The following TTC3 variants were observed in gnomAD, a reference collection of about 807,000 sequenced individuals.
TTC3 encodes tetratricopeptide repeat domain 3.
In TTC3, 180 loss-of-function variants were observed where a neutral mutation model predicts 249.6. The observed-to-expected ratio is 0.72, with a 90% CI of 0.64 to 0.82. TTC3 has a LOEUF of 0.82. Among genes scored for constraint, TTC3 ranks in the 40% least tolerant of loss-of-function variants. The pLI, the probability that TTC3 is intolerant of heterozygous loss-of-function variation, is 0.00. For missense variants in TTC3, 2,061 were observed against 2,398.4 expected (o/e 0.86, Z 2.94); for synonymous variants, 717 against 805.0 (o/e 0.89, Z 1.85).
At chr21:37,192,618 C>A (rs1253582452) in intron 41 of TTC3, among the ~76,000 whole-genome samples, 2 of 151,978 alleles carry the variant, frequency 1.3e-5, no homozygotes, top group Non-Finnish European at 2.9e-5. Flanking sequence ...GCTATCACCA[C>A]CTCAGATTAT....
At position 37,087,418 on chromosome 21, in the gene TTC3, A is replaced by C. The variant is rs1404594425; in HGVS notation, c.144+17A>C. 6.2e-7 allele frequency: 1 copy of C among 1,612,098 alleles called. No individual in the cohort carries two copies. The highest frequency in any genetic ancestry group is 8.5e-7 in the Non-Finnish European group (1 of 1,179,154). The stretch of plus-strand genomic sequence containing the variant: ...GATGGGGTGGTAAGTAGGTTTGCTA[A>C]TTTTTCATTTTTGACATTGTGTATT... On this transcript the variant is annotated intron_variant, in intron 2 of 45. Coordinates refer to ENST00000355666, the Ensembl canonical transcript of TTC3.
At chr21:37,112,879 G>C (rs898710014) in intron 11 of TTC3, among the ~76,000 whole-genome samples, 1 of 152,126 alleles carries the variant, frequency 6.6e-6, no homozygotes, top group South Asian at 2.1e-4. Context: ...ATGCAAGGCC[G>C]GTTCAACATA....
chr21:37,169,944 G>A (rs540128507), intron 34 of TTC3, among the ~76,000 whole-genome samples: 11 of 151,892 alleles, frequency 7.2e-5, no homozygotes, highest in Non-Finnish European at 1.6e-4. Context: ...TTGCCATCTA[G>A]AAAAAATCAA....
At chr21:37,196,008 C>T in exon 42 of TTC3, 1 of 1,614,148 alleles carries the variant, frequency 6.2e-7, no homozygotes, top group Non-Finnish European at 8.5e-7. Context: ...TATTGAGCAC[C>T]TGTCAGTGGT....
At chr21:37,113,130 A>G (rs954555965) in intron 11 of TTC3, among the ~76,000 whole-genome samples, 1 of 152,250 alleles carries the variant, frequency 6.6e-6, no homozygotes, top group Non-Finnish European at 1.5e-5. Flanking sequence ...GAAAACTGGC[A>G]CAAGACAGGG....
chr21:37,112,522 C>G (rs1210525371), intron 11 of TTC3, among the ~76,000 whole-genome samples: 2 of 152,222 alleles, frequency 1.3e-5, no homozygotes, highest in Non-Finnish European at 2.9e-5. Context: ...AGACCAATAA[C>G]AGGCTCTGAA....
chr21:37,199,644 A>G (rs2085293124), intron 44 of TTC3, among the ~76,000 whole-genome samples: 1 of 152,236 alleles, frequency 6.6e-6, no homozygotes, highest in African/African-American at 2.4e-5. Flanking sequence ...TAGTAAAGAA[A>G]AAGATTAAAT....
chr21:37,095,137 A>ATGTGTG lies in TTC3; in HGVS notation c.688-191_688-186dup, dbSNP rs57682889. Reference sequence around the variant, plus strand: ...GGTGACAGACCCTGTCTCTAAAAATATGTGTGTGTGTGTGTGTGTGTGTGT... The same window carrying ATGTGTG: ...GGTGACAGACCCTGTCTCTAAAAATATGTGTGTGTGTGTGTGTGTGTGTGTGTGTGT... On this transcript the variant is annotated intron_variant, in intron 8 of 45. Coordinates refer to ENST00000355666, the Ensembl canonical transcript of TTC3. 9.0e-3 allele frequency among the ~76,000 whole-genome samples: 1,328 copies of ATGTGTG among 147,574 alleles called. 21 individuals are homozygous for ATGTGTG. The highest frequency in any genetic ancestry group is 0.03 in the African/African-American group (1,214 of 40,086).
At chr21:37,197,571 A>T (rs1399186668) in exon 43 of TTC3, 1 of 1,611,800 alleles carries the variant, frequency 6.2e-7, no homozygotes, top group Non-Finnish European at 8.5e-7. Flanking sequence ...CCCTTTCAGC[A>T]CTGAGCTTGC....
chr21:37,103,412 A>G (rs1679061437), intron 10 of TTC3, among the ~76,000 whole-genome samples: 1 of 152,154 alleles, frequency 6.6e-6, no homozygotes, highest in South Asian at 2.1e-4. Context: ...TCTCTTGCAC[A>G]GGGGATTGCT....
exon 46 of TTC3, chr21:37,201,910 G>T: frequency 4.5e-6 from 1 of 223,366 alleles, no homozygotes. Context: ...ACATAGCCAA[G>T]CGCCCCACGT....
chr21:37,133,615 T>C (rs1038358680), intron 17 of TTC3, among the ~76,000 whole-genome samples: 1 of 152,182 alleles, frequency 6.6e-6, no homozygotes. Context: ...CTCCATATGC[T>C]GGGGAGTGAG....
chr21:37,129,274 G>GA (rs1342313241), intron 16 of TTC3, among the ~76,000 whole-genome samples: 1 of 152,076 alleles, frequency 6.6e-6, no homozygotes, highest in Non-Finnish European at 1.5e-5. Context: ...ATTGACTTCT[G>GA]AAAGTCACAT....
exon 33 of TTC3, chr21:37,165,734 G>A: frequency 6.2e-7 from 1 of 1,613,394 alleles, no homozygotes; most frequent in Non-Finnish European, 8.5e-7. Flanking sequence ...ACTGAAGAAG[G>A]TTGCATCACG....
At chr21:37,084,220 C>G (rs542634564) in intron 1 of TTC3, 10 of 152,066 alleles carry the variant, frequency 6.6e-5, no homozygotes, top group Admixed American at 6.6e-4. Context: ...GAAGAAGAAC[C>G]CATGAAGGAA....
intron 1 of TTC3, chr21:37,081,551 G>A (rs1024736222): frequency 1.3e-5 from 2 of 152,102 alleles, no homozygotes; most frequent in Admixed American, 6.6e-5. Context: ...TGTGTTTCAT[G>A]ATTCTGCATT....
intron 41 of TTC3, among the ~76,000 whole-genome samples, chr21:37,193,059 A>G (rs1039799629): frequency 3.3e-5 from 5 of 152,240 alleles, no homozygotes; most frequent in Non-Finnish European, 7.3e-5. Context: ...GTTGAAAGAT[A>G]TAAGTTCCAG....
intron 21 of TTC3, 90 bp from the exon 22 acceptor site, chr21:37,147,391 A>ATTTTCAGCATAAGAATGACTAAATT: frequency 8.0e-7 from 1 of 1,252,430 alleles, no homozygotes; most frequent in Non-Finnish European, 1.1e-6. Flanking sequence ...TGCTGAAAAT[A>ATTTTCAGCATAAGAATGACTAAATT]TTTTGATGGC....
intron 21 of TTC3, 50 bp downstream of exon 21, chr21:37,144,695 A>G (rs2078830122): frequency 1.3e-6 from 2 of 1,576,824 alleles, no homozygotes; most frequent in Non-Finnish European, 8.6e-7. Flanking sequence ...GCTTATCTGC[A>G]TTGACTGACT....
Sources: allele counts gnomAD v4.1 joint callset (sites outside exome capture counted in the v4.1 genomes callset), GRCh38; gene constraint gnomAD v4.1.1; transcripts MANE v1.5; gene names NCBI Gene and HGNC (gene_info 2026-07-23, HGNC 2026-07-21).